The following DIAPH3 variants were observed in gnomAD, a reference collection of about 807,000 sequenced individuals.
DIAPH3 encodes protein diaphanous homolog 3.
Under a neutral mutation model 144.3 loss-of-function variants are expected in DIAPH3, and 117 were observed. That is an observed-to-expected ratio of 0.81 (90% CI 0.70 to 0.95). The LOEUF (loss-of-function observed/expected upper bound fraction) is 0.95. Ranked by LOEUF, DIAPH3 falls within the 40% of genes least tolerant of loss-of-function variation. The pLI is 0.00. For missense variants in DIAPH3, 1,421 were observed against 1,412.7 expected (o/e 1.01, Z -0.09); for synonymous variants, 519 against 488.9 (o/e 1.06, Z -0.81).
intron 5 of DIAPH3, among the ~76,000 whole-genome samples, chr13:60,037,298 GAAT>G (rs2055299748): frequency 6.6e-6 from 1 of 151,826 alleles, no homozygotes; most frequent in Non-Finnish European, 1.5e-5. Flanking sequence ...AAATCAAAAA[GAAT>G]GATGTGTGTA....
chr13:59,982,714 ACT>A (rs2051095869), intron 13 of DIAPH3, among the ~76,000 whole-genome samples: 1 of 151,630 alleles, frequency 6.6e-6, no homozygotes, highest in Non-Finnish European at 1.5e-5. Context: ...ATTAACTTGT[ACT>A]CTGTTACCCT....
At chr13:60,139,359 G>C (rs187014911) in intron 1 of DIAPH3, among the ~76,000 whole-genome samples, 1 of 152,280 alleles carries the variant, frequency 6.6e-6, no homozygotes, top group Non-Finnish European at 1.5e-5. Flanking sequence ...ATTAGGAAAA[G>C]CTCTCCAGCC....
intron 17 of DIAPH3, among the ~76,000 whole-genome samples, chr13:59,935,587 T>C (rs1238216366): frequency 6.6e-6 from 1 of 152,242 alleles, no homozygotes; most frequent in Admixed American, 6.5e-5. Flanking sequence ...AATGTTTTTA[T>C]GAGATGGCAA....
At chr13:59,921,210 T>A in intron 18 of DIAPH3, among the ~76,000 whole-genome samples, 1 of 137,438 alleles carries the variant, frequency 7.3e-6, no homozygotes, top group Non-Finnish European at 1.6e-5. Flanking sequence ...AACCCAAAAT[T>A]AGTAGAAGCA....
At chr13:59,854,739 G>A (rs1224987932) in intron 22 of DIAPH3, among the ~76,000 whole-genome samples, 1 of 152,116 alleles carries the variant, frequency 6.6e-6, no homozygotes, top group Admixed American at 6.6e-5. Context: ...CTTGATGTTC[G>A]CTATAGTTCA....
intron 4 of DIAPH3, among the ~76,000 whole-genome samples, chr13:60,081,442 T>C (rs1044113659): frequency 1.3e-5 from 2 of 151,962 alleles, no homozygotes; most frequent in Non-Finnish European, 2.9e-5. Flanking sequence ...TAACCCTGAA[T>C]TGTTTTTTAA....
chr13:60,022,718 T>G (rs2054114417), intron 5 of DIAPH3, among the ~76,000 whole-genome samples: 1 of 152,200 alleles, frequency 6.6e-6, no homozygotes, highest in Non-Finnish European at 1.5e-5. Flanking sequence ...TTAATTACAC[T>G]GCAATGACTC....
chr13:59,931,214 C>T (rs1426859972), intron 17 of DIAPH3, among the ~76,000 whole-genome samples: 5 of 152,124 alleles, frequency 3.3e-5, no homozygotes, highest in Admixed American at 2.6e-4. Context: ...ATTCTAACTC[C>T]AAAATATTCA....
chr13:59,689,146 A>G (rs80110045), intron 27 of DIAPH3, among the ~76,000 whole-genome samples: 21 of 152,238 alleles, frequency 1.4e-4, no homozygotes, highest in African/African-American at 5.1e-4. Context: ...TTCTGCTGCA[A>G]GAAAGTCTCC....
At chr13:59,892,793 C>A (rs559685337) in intron 20 of DIAPH3, among the ~76,000 whole-genome samples, 1 of 151,880 alleles carries the variant, frequency 6.6e-6, no homozygotes, top group East Asian at 1.9e-4. Context: ...ATATGAATAA[C>A]CAGATTAAAT....
intron 2 of DIAPH3, among the ~76,000 whole-genome samples, chr13:60,120,191 A>C (rs2058811257): frequency 6.6e-6 from 1 of 152,226 alleles, no homozygotes; most frequent in Non-Finnish European, 1.5e-5. Context: ...GAACATGTTA[A>C]CTGCTAAGCA....
intron 4 of DIAPH3, among the ~76,000 whole-genome samples, chr13:60,054,610 G>T (rs1458350663): frequency 6.6e-6 from 1 of 151,964 alleles, no homozygotes; most frequent in African/African-American, 2.4e-5. Context: ...GATATGAAAT[G>T]TCAAGACTAT....
intron 12 of DIAPH3, among the ~76,000 whole-genome samples, chr13:59,989,177 T>G (rs1388945144): frequency 6.6e-6 from 1 of 151,636 alleles, no homozygotes; most frequent in African/African-American, 2.4e-5. Flanking sequence ...AAAATAGAGG[T>G]CCTTCTGAGG....
At chr13:59,857,283 T>C (rs1283161337) in intron 22 of DIAPH3, among the ~76,000 whole-genome samples, 1 of 152,038 alleles carries the variant, frequency 6.6e-6, no homozygotes, top group Non-Finnish European at 1.5e-5. Context: ...TCACAGTAGG[T>C]GAATAAAAGA....
At chr13:59,996,192 G>C (rs1298083756) in intron 9 of DIAPH3, among the ~76,000 whole-genome samples, 2 of 152,032 alleles carry the variant, frequency 1.3e-5, no homozygotes, top group Admixed American at 1.3e-4. Flanking sequence ...GTTCCAAGCA[G>C]AAACTACTTG....
At chr13:59,874,540 G>C (rs1566449127) in intron 21 of DIAPH3, among the ~76,000 whole-genome samples, 1 of 152,054 alleles carries the variant, frequency 6.6e-6, no homozygotes, top group Non-Finnish European at 1.5e-5. Context: ...CACCGTCTTA[G>C]CACCTACTCC....
At chr13:60,120,162 T>C (rs938532717) in intron 2 of DIAPH3, among the ~76,000 whole-genome samples, 7 of 152,340 alleles carry the variant, frequency 4.6e-5, no homozygotes, top group Non-Finnish European at 7.3e-5. Flanking sequence ...GAACTTGTGA[T>C]GCTGATATGA....
intron 27 of DIAPH3, among the ~76,000 whole-genome samples, chr13:59,694,827 A>C (rs1418781227): frequency 6.6e-6 from 1 of 152,188 alleles, no homozygotes; most frequent in Non-Finnish European, 1.5e-5. Context: ...GGGCCCTAAA[A>C]TATAAATATT....
chr13:59,717,594 T>C (rs1474631962), intron 27 of DIAPH3, among the ~76,000 whole-genome samples: 3 of 152,236 alleles, frequency 2.0e-5, no homozygotes, highest in African/African-American at 7.2e-5. Flanking sequence ...CAAATGATTA[T>C]ACAATACAAA....
Sources: allele counts gnomAD v4.1 joint callset (sites outside exome capture counted in the v4.1 genomes callset), GRCh38; gene constraint gnomAD v4.1.1; transcripts MANE v1.5; gene names NCBI Gene and HGNC (gene_info 2026-07-23, HGNC 2026-07-21).